The following KCND2 variants were observed in gnomAD, a reference collection of about 807,000 sequenced individuals.
KCND2 encodes potassium voltage-gated channel subfamily D member 2, also known as A-type voltage-gated potassium channel KCND2.
KCND2 carries 16 observed loss-of-function variants against 54.4 expected under a neutral mutation model. The observed-to-expected ratio is 0.29, with a 90% CI of 0.20 to 0.45. KCND2 has a LOEUF of 0.45. KCND2 is among the 20% of genes least tolerant of loss of function. The pLI is 1.00. For synonymous variants in KCND2, 317 were observed against 310.7 expected (o/e 1.02, Z -0.21); for missense variants, 486 against 824.2 (o/e 0.59, Z 5.02).
chr7:120,683,532 A>C (rs995753122), intron 1 of KCND2, among the ~76,000 whole-genome samples: 2 of 152,178 alleles, frequency 1.3e-5, no homozygotes, highest in African/African-American at 4.8e-5. Context: ...TCTGTTTTTT[A>C]ATATTCTTAG....
intron 1 of KCND2, among the ~76,000 whole-genome samples, chr7:120,588,629 A>G (rs1383538591): frequency 6.6e-6 from 1 of 151,886 alleles, no homozygotes; most frequent in African/African-American, 2.4e-5. Flanking sequence ...ATTTACTCCC[A>G]CCTCCTCCTG....
intron 1 of KCND2, among the ~76,000 whole-genome samples, chr7:120,370,311 T>A (rs575549081): frequency 6.6e-6 from 1 of 152,044 alleles, no homozygotes; most frequent in African/African-American, 2.4e-5. Context: ...CAGATGCAGA[T>A]CCTGGAGGGC....
Position 120,638,795 on chromosome 7 carries a change from G to A in KCND2, c.1116-94108G>A, listed in dbSNP as rs181110557. 2.4e-3 allele frequency among the ~76,000 whole-genome samples: 358 copies of A among 152,160 alleles called. 3 individuals are homozygous for A. Among genetic ancestry groups the A allele is most frequent in the Non-Finnish European group, 3.1e-3 (212 of 67,972 alleles). On this transcript the variant is annotated intron_variant, in intron 1 of 5. Transcript: ENST00000331113. ...CAGAAAGTATTCAGACCTGCGTTGG[G>A]GTTGTATGGAAATGTAAAAGACTAT...
chr7:120,492,910 T>G (rs1802803969), intron 1 of KCND2, among the ~76,000 whole-genome samples: 1 of 152,074 alleles, frequency 6.6e-6, no homozygotes, highest in South Asian at 2.1e-4. Flanking sequence ...AACAGAATGG[T>G]TGTATGAATA....
At chr7:120,382,134 C>T (rs1262106104) in intron 1 of KCND2, among the ~76,000 whole-genome samples, 1 of 151,698 alleles carries the variant, frequency 6.6e-6, no homozygotes, top group Non-Finnish European at 1.5e-5. Flanking sequence ...TGTTGTTTTC[C>T]TTTCTTTTTA....
intron 1 of KCND2, among the ~76,000 whole-genome samples, chr7:120,607,661 C>G (rs1792899690): frequency 6.6e-6 from 1 of 151,900 alleles, no homozygotes; most frequent in South Asian, 2.1e-4. Flanking sequence ...AGCTAATACA[C>G]AAATTAAACT....
intron 1 of KCND2, among the ~76,000 whole-genome samples, chr7:120,394,505 A>G (rs1364048891): frequency 6.6e-5 from 10 of 151,950 alleles, no homozygotes; most frequent in African/African-American, 2.4e-4. Context: ...GTAGAAAGGG[A>G]TTATAGAAAC....
chr7:120,334,606 G>T (rs756284553), intron 1 of KCND2, among the ~76,000 whole-genome samples: 2 of 152,110 alleles, frequency 1.3e-5, no homozygotes, highest in Non-Finnish European at 1.5e-5. Flanking sequence ...CACACTTTCC[G>T]TATATGGGTG....
chr7:120,544,493 T>A (rs893792242), intron 1 of KCND2, among the ~76,000 whole-genome samples: 5 of 151,970 alleles, frequency 3.3e-5, no homozygotes, highest in Non-Finnish European at 5.9e-5. Flanking sequence ...ATTTTAAAAG[T>A]ATAACCATTC....
At chr7:120,377,972 A>G (rs188586674) in intron 1 of KCND2, among the ~76,000 whole-genome samples, 2 of 152,066 alleles carry the variant, frequency 1.3e-5, no homozygotes, top group East Asian at 1.9e-4. Context: ...TTATTGGTTC[A>G]TAACTTTTTA....
intron 1 of KCND2, among the ~76,000 whole-genome samples, chr7:120,545,071 CT>C (rs1184592923): frequency 6.6e-6 from 1 of 151,886 alleles, no homozygotes; most frequent in Non-Finnish European, 1.5e-5. Flanking sequence ...CTCTTCTTCT[CT>C]TATATATTCA....
chr7:120,314,221 A>G (rs1385761928), intron 1 of KCND2, among the ~76,000 whole-genome samples: 2 of 152,084 alleles, frequency 1.3e-5, no homozygotes, highest in Non-Finnish European at 2.9e-5. Flanking sequence ...TACAAAATGT[A>G]TAGGAAATAT....
At chr7:120,529,987 C>T (rs1366493613) in intron 1 of KCND2, among the ~76,000 whole-genome samples, 2 of 151,978 alleles carry the variant, frequency 1.3e-5, no homozygotes, top group Non-Finnish European at 2.9e-5. Flanking sequence ...GTGAGAGAAT[C>T]GCTTGACCCC....
Position 120,414,089 on chromosome 7 carries a change from T to C in KCND2, c.1115+138342T>C, listed in dbSNP as rs144534959. Reference sequence around the variant, plus strand: ...AAAACAGAAAATACAAATAAAACCTTCTACTCATGGATAATTTCATCTCAC... The same window carrying C: ...AAAACAGAAAATACAAATAAAACCTCCTACTCATGGATAATTTCATCTCAC... On this transcript the variant is annotated intron_variant, in intron 1 of 5. Coordinates refer to ENST00000331113, the MANE Select transcript of KCND2 (RefSeq NM_012281.3). Among the ~76,000 whole-genome samples the C allele has an allele frequency of 2.0e-4, 30 of 152,174 alleles. No homozygotes were observed. The East Asian group carries it at 5.8e-3, about 29-fold the overall frequency.
At chr7:120,595,745 A>G (rs987125580) in intron 1 of KCND2, among the ~76,000 whole-genome samples, 1 of 151,756 alleles carries the variant, frequency 6.6e-6, no homozygotes, top group Non-Finnish European at 1.5e-5. Flanking sequence ...TTGTGTAAAA[A>G]TAATTGAACT....
intron 1 of KCND2, among the ~76,000 whole-genome samples, chr7:120,530,000 G>A (rs996484539): frequency 6.6e-6 from 1 of 151,862 alleles, no homozygotes; most frequent in African/African-American, 2.4e-5. Flanking sequence ...TTGACCCCAG[G>A]GGGTCAAGGC....
intron 1 of KCND2, among the ~76,000 whole-genome samples, chr7:120,402,678 A>G (rs914497172): frequency 2.0e-5 from 3 of 152,180 alleles, no homozygotes; most frequent in African/African-American, 7.2e-5. Flanking sequence ...TACAGGAAGA[A>G]CTTTGATAAT....
At chr7:120,390,953 A>G (rs555843322) in intron 1 of KCND2, among the ~76,000 whole-genome samples, 6 of 152,186 alleles carry the variant, frequency 3.9e-5, no homozygotes, top group African/African-American at 1.4e-4. Flanking sequence ...TGAATGGGGC[A>G]GGTTAGTTAC....
chr7:120,726,689 C>T (rs1342261673), intron 1 of KCND2, among the ~76,000 whole-genome samples: 2 of 152,236 alleles, frequency 1.3e-5, no homozygotes, highest in Middle Eastern at 3.2e-3. Flanking sequence ...CAAATACTTA[C>T]ACTCCAAATA....
Sources: gnomAD v4.1 joint callset for allele counts (sites outside exome capture counted in the v4.1 genomes callset) on GRCh38, gnomAD v4.1.1 for gene constraint, MANE v1.5 for transcripts, NCBI Gene and HGNC (gene_info 2026-07-23, HGNC 2026-07-21) for gene names.